UBE2G1: variants seen among roughly 807,000 people sequenced by gnomAD.
UBE2G1 encodes ubiquitin-conjugating enzyme E2 G1.
In UBE2G1, 5 loss-of-function variants were observed where a neutral mutation model predicts 22.7. That is an observed-to-expected ratio of 0.22 (90% CI 0.12 to 0.46). UBE2G1 has a LOEUF of 0.46. UBE2G1 is among the 20% of genes least tolerant of loss of function. The pLI, the probability that UBE2G1 is intolerant of heterozygous loss-of-function variation, is 0.99. For missense variants in UBE2G1, 88 were observed against 203.9 expected, an observed-to-expected ratio of 0.43 and a Z score of 3.46; for synonymous variants, 74 against 67.5, an observed-to-expected ratio of 1.10 and a Z score of -0.47.
chr17:4,366,246 G>A, intron 1 of UBE2G1, 25 bp downstream of exon 1: 1 of 1,527,542 alleles, frequency 6.5e-7, no homozygotes, highest in Non-Finnish European at 8.7e-7. Flanking sequence ...GGCCGGGCCC[G>A]GCGCCCCGCC....
At chr17:4,314,702 T>C (rs551696185) in intron 1 of UBE2G1, among the ~76,000 whole-genome samples, 2 of 152,316 alleles carry the variant, frequency 1.3e-5, no homozygotes, top group South Asian at 2.1e-4. Flanking sequence ...CAACCAGATA[T>C]TACAGTCTCC....
intron 4 of UBE2G1, among the ~76,000 whole-genome samples, chr17:4,285,524 G>A (rs1968951940): frequency 1.3e-5 from 2 of 152,100 alleles, no homozygotes; most frequent in South Asian, 4.1e-4. Context: ...ATTACTCTAG[G>A]ATGAAGGAAG....
At chr17:4,312,320 T>C (rs1969319293) in intron 1 of UBE2G1, among the ~76,000 whole-genome samples, 1 of 152,126 alleles carries the variant, frequency 6.6e-6, no homozygotes, top group African/African-American at 2.4e-5. Flanking sequence ...TGTAAGTTGA[T>C]GCATCACCCA....
chr17:4,315,719 G>A (rs35466443), intron 1 of UBE2G1, among the ~76,000 whole-genome samples: 49,702 of 146,856 alleles, frequency 0.34, 8,573 homozygotes, highest in Middle Eastern at 0.4. Context: ...CAGCCTGGGC[G>A]AAAGAGCGAG....
At chr17:4,361,096 A>T (rs377132341) in intron 1 of UBE2G1, among the ~76,000 whole-genome samples, 2 of 151,368 alleles carry the variant, frequency 1.3e-5, no homozygotes, top group South Asian at 2.1e-4. Flanking sequence ...GGTGGTGGAC[A>T]CCTGTAATCT....
intron 1 of UBE2G1, among the ~76,000 whole-genome samples, chr17:4,355,653 A>G (rs993468721): frequency 1.3e-5 from 2 of 150,786 alleles, no homozygotes; most frequent in Non-Finnish European, 3.0e-5. Context: ...AAAAAAAAAA[A>G]AGAAAAAAAA....
chr17:4,291,307 C>A (rs1969036547), intron 3 of UBE2G1, among the ~76,000 whole-genome samples: 1 of 146,598 alleles, frequency 6.8e-6, no homozygotes, highest in African/African-American at 2.5e-5. Flanking sequence ...TTGCCATGAG[C>A]CAACATCACA....
At chr17:4,308,245 C>T (rs4790192) in intron 1 of UBE2G1, among the ~76,000 whole-genome samples, 135,203 of 152,094 alleles carry the variant, frequency 0.89, 62,292 homozygotes, top group East Asian at 1. Flanking sequence ...CCCAGTTACT[C>T]GGGAGGCTGA....
At chr17:4,286,965 AAC>A (rs1016251235) in intron 4 of UBE2G1, among the ~76,000 whole-genome samples, 3 of 152,116 alleles carry the variant, frequency 2.0e-5, no homozygotes, top group Admixed American at 6.6e-5. Flanking sequence ...GAATCGATTG[AAC>A]ACAGAGGGCA....
intron 1 of UBE2G1, among the ~76,000 whole-genome samples, chr17:4,321,481 TTAA>T (rs1307223157): frequency 6.6e-6 from 1 of 152,174 alleles, no homozygotes; most frequent in African/African-American, 2.4e-5. Flanking sequence ...GATGGGCTTT[TTAA>T]GCATTGTGGC....
At chr17:4,361,113 C>T (rs867184075) in intron 1 of UBE2G1, among the ~76,000 whole-genome samples, 2 of 151,742 alleles carry the variant, frequency 1.3e-5, no homozygotes, top group African/African-American at 4.8e-5. Context: ...ATCTCAGCTA[C>T]TTGGGAGGCT....
At chr17:4,301,894 G>A (rs900863715) in intron 2 of UBE2G1, 12 of 492,366 alleles carry the variant, frequency 2.4e-5, no homozygotes, top group South Asian at 4.7e-5. Flanking sequence ...TTGAAGCTTC[G>A]TGGGGTTCTG....
intron 2 of UBE2G1, 83 bp from the exon 3 acceptor site, chr17:4,296,897 G>A (rs1969119053): frequency 3.3e-6 from 4 of 1,225,398 alleles, no homozygotes; most frequent in Non-Finnish European, 4.7e-6. Context: ...ATAAAACAAG[G>A]GTGCTAGCAC....
At chr17:4,288,400 G>C (rs752056048) in intron 4 of UBE2G1, among the ~76,000 whole-genome samples, 1 of 151,968 alleles carries the variant, frequency 6.6e-6, no homozygotes, top group Non-Finnish European at 1.5e-5. Context: ...CTAATTTTTC[G>C]TATTTTTAAT....
intron 1 of UBE2G1, among the ~76,000 whole-genome samples, chr17:4,363,115 T>C (rs1443143292): frequency 6.6e-6 from 1 of 152,178 alleles, no homozygotes; most frequent in Non-Finnish European, 1.5e-5. Flanking sequence ...AGTAAAACTC[T>C]GTCTCAAAAA....
At chr17:4,279,861 A>G (rs1374336190) in intron 5 of UBE2G1, among the ~76,000 whole-genome samples, 1 of 149,674 alleles carries the variant, frequency 6.7e-6, no homozygotes, top group African/African-American at 2.5e-5. Context: ...AGGATACCAC[A>G]AAGAAAATAA....
chr17:4,355,031 G>A (rs1969890255), intron 1 of UBE2G1, among the ~76,000 whole-genome samples: 3 of 152,060 alleles, frequency 2.0e-5, no homozygotes, highest in Admixed American at 2.0e-4. Flanking sequence ...AGTGGAGGGT[G>A]CAGCGGGCCT....
At chr17:4,292,950 T>C (rs1215237773) in intron 3 of UBE2G1, among the ~76,000 whole-genome samples, 8 of 152,142 alleles carry the variant, frequency 5.3e-5, no homozygotes, top group Non-Finnish European at 1.2e-4. Flanking sequence ...ATAAAACTAT[T>C]CCCCTATAAT....
At chr17:4,360,337 T>C (rs1025629489) in intron 1 of UBE2G1, among the ~76,000 whole-genome samples, 5 of 152,210 alleles carry the variant, frequency 3.3e-5, no homozygotes, top group African/African-American at 1.2e-4. Flanking sequence ...ATACTTTACT[T>C]GCTTAAAGCA....
Sources: allele counts gnomAD v4.1 joint callset (sites outside exome capture counted in the v4.1 genomes callset), GRCh38; gene constraint gnomAD v4.1.1; transcripts MANE v1.5; gene names NCBI Gene and HGNC (gene_info 2026-07-23, HGNC 2026-07-21).